The following PILRA variants were observed in gnomAD, a reference collection of about 807,000 sequenced individuals.
PILRA encodes paired immunoglobulin-like type 2 receptor alpha.
In PILRA, 37 loss-of-function variants were observed where a neutral mutation model predicts 33.1. That is an observed-to-expected ratio of 1.12 (90% CI 0.86 to 1.47). PILRA has a LOEUF of 1.47. PILRA is among the 40% of genes most tolerant of loss of function. PILRA has a pLI of 0.00. For synonymous variants in PILRA, 146 were observed against 149.9 expected, an observed-to-expected ratio of 0.97 and a Z score of 0.19; for missense variants, 312 against 376.2, an observed-to-expected ratio of 0.83 and a Z score of 1.41.
At chr7:100,373,041 G>A (rs1162483024), upstream of PILRA, among the ~76,000 whole-genome samples, 1 of 152,096 alleles carries the variant, frequency 6.6e-6, no homozygotes, top group African/African-American at 2.4e-5. Flanking sequence ...AGGCCAGCTG[G>A]GTCGTGGTGG....
At position 100,374,312 on chromosome 7, in the gene PILRA, G is replaced by A; in HGVS notation, c.333G>A (p.Arg111=). ...WTEGQKSGFL[R]ISNLQKQDQS... is the part of the protein sequence containing the mutation. The stretch of plus-strand genomic sequence containing the variant: ...AGGGTCAGAAGAGCGGCTTCCTCAG[G>A]ATCTCCAACCTGCAGAAGCAGGACC... Residue 111 remains arginine, a synonymous_variant, in exon 2 of 7, where the codon AGG becomes AGA. Coordinates refer to ENST00000198536, the MANE Select transcript of PILRA (RefSeq NM_013439.3). The A allele has an allele frequency of 6.2e-7, 1 of 1,614,114 alleles. No homozygotes were observed. The highest frequency in any genetic ancestry group is 8.5e-7 in the Non-Finnish European group (1 of 1,180,016).
intron 3 of PILRA, among the ~76,000 whole-genome samples, chr7:100,390,686 CAA>C (rs745541359): frequency 6.6e-6 from 1 of 151,976 alleles, no homozygotes; most frequent in South Asian, 2.1e-4. Flanking sequence ...GTGATATATG[CAA>C]AAGTCTCAAA....
intron 3 of PILRA, among the ~76,000 whole-genome samples, chr7:100,397,167 TC>T (rs1271250733): frequency 8.1e-5 from 9 of 111,512 alleles, no homozygotes; most frequent in Non-Finnish European, 1.6e-4. Flanking sequence ...GAAGGGGAGG[TC>T]CCTGGAGTTG....
intron 2 of PILRA, among the ~76,000 whole-genome samples, chr7:100,384,614 C>T (rs1791214857): frequency 6.6e-6 from 1 of 151,412 alleles, no homozygotes; most frequent in South Asian, 2.1e-4. Context: ...CTCAGGCTAT[C>T]CACAAAAAAA....
In PILRA at chr7:100,399,317, C is replaced by T. The variant is rs1791586896; in HGVS notation, c.734C>T (p.Pro245Leu). ...AREPFQNTEE[P>L]YENIRNEGQN... The stretch of plus-strand genomic sequence containing the variant: ...GAACCCTTCCAAAACACAGAGGAGC[C>T]ATATGAGAATATCAGGAATGAAGGT... Residue 245 changes from proline to leucine, a missense_variant, in exon 5 of 7, where the codon CCA becomes CTA. Physicochemically the swap from Pro to Leu is moderately conservative, Grantham distance 98. Transcript: ENST00000198536. 1 of 1,612,648 alleles carries T rather than the reference C, an allele frequency of 6.2e-7. No homozygotes were observed. The highest frequency in any genetic ancestry group is 1.3e-5 in the African/African-American group (1 of 74,872).
Position 100,374,037 on chromosome 7 carries a change from C to T in PILRA, c.65-7C>T. 5 of 1,612,944 alleles carry T rather than the reference C, an allele frequency of 3.1e-6. No individual in the cohort carries two copies. Among genetic ancestry groups the T allele is most frequent in the Non-Finnish European group, 4.2e-6 (5 of 1,179,230 alleles). ...TCTCTCCCCTACTCACTCCCTCCCTCCTCTAGGTGGCTCCACAGGATCTGG... is the reference window on the plus strand; with the variant it reads ...TCTCTCCCCTACTCACTCCCTCCCTTCTCTAGGTGGCTCCACAGGATCTGG... On this transcript the variant is annotated splice_polypyrimidine_tract_variant and splice_region_variant and intron_variant, in intron 1 of 6. Coordinates refer to ENST00000198536, the MANE Select transcript of PILRA (RefSeq NM_013439.3).
chr7:100,383,205 C>T (rs973513861), intron 2 of PILRA, among the ~76,000 whole-genome samples: 1 of 152,070 alleles, frequency 6.6e-6, no homozygotes, highest in Non-Finnish European at 1.5e-5. Context: ...GGGAGGTACC[C>T]TGGGACCAGC....
At chr7:100,391,136 G>C (rs1287298595) in intron 3 of PILRA, among the ~76,000 whole-genome samples, 6 of 147,432 alleles carry the variant, frequency 4.1e-5, no homozygotes, top group Non-Finnish European at 9.0e-5. Flanking sequence ...GCAACACAGG[G>C]AGACCCTGTC....
intron 2 of PILRA, among the ~76,000 whole-genome samples, chr7:100,385,161 G>A (rs1791227149): frequency 6.6e-6 from 1 of 152,162 alleles, no homozygotes; most frequent in African/African-American, 2.4e-5. Context: ...AGAAATAGAA[G>A]GTTAACACAA....
chr7:100,381,444 CAAA>C (rs60123996), intron 2 of PILRA, among the ~76,000 whole-genome samples: 22 of 82,028 alleles, frequency 2.7e-4, no homozygotes, highest in African/African-American at 4.3e-4. Flanking sequence ...GATCCTGACT[CAAA>C]AAAAAAAAAA....
Position 100,376,595 on chromosome 7 carries a change from G to A in PILRA, c.454+2162G>A, listed in dbSNP as rs376036734. ...CCTCCCAGGTTCAAGCGATTCTCCCGCTCAGCCTCCAAGTAGCTAGAATTA... is the reference window on the plus strand; with the variant it reads ...CCTCCCAGGTTCAAGCGATTCTCCCACTCAGCCTCCAAGTAGCTAGAATTA... On this transcript the variant is annotated intron_variant, in intron 2 of 6. Transcript: ENST00000198536. 2.0e-4 allele frequency among the ~76,000 whole-genome samples: 28 copies of A among 137,146 alleles called. No individual in the cohort carries two copies. The East Asian group carries it at 2.7e-3, about 13-fold the overall frequency. 90.0% of individuals were successfully genotyped at this position (137,146 alleles called of 152,430 possible). A position where few individuals can be genotyped will look rare whatever the true frequency, so the allele number is the denominator to read the frequency against.
At chr7:100,377,926 T>C (rs1264355845) in intron 2 of PILRA, among the ~76,000 whole-genome samples, 2 of 152,252 alleles carry the variant, frequency 1.3e-5, no homozygotes, top group East Asian at 3.8e-4. Context: ...AGCATCTGTT[T>C]CTGGTCAGTC....
intron 3 of PILRA, among the ~76,000 whole-genome samples, chr7:100,396,191 C>T (rs1791489984): frequency 6.6e-6 from 1 of 152,058 alleles, no homozygotes; most frequent in African/African-American, 2.4e-5. Context: ...TGGGTACATA[C>T]CAAACAGAAC....
intron 2 of PILRA, among the ~76,000 whole-genome samples, chr7:100,375,469 C>T (rs1225502141): frequency 1.2e-4 from 18 of 152,156 alleles, no homozygotes; most frequent in Admixed American, 1.0e-3. Flanking sequence ...TGGTGGCTGA[C>T]GCCTGTAATC....
At chr7:100,390,175 T>C (rs1791357821) in intron 3 of PILRA, 69 bp downstream of exon 3, 1 of 1,368,718 alleles carries the variant, frequency 7.3e-7, no homozygotes, top group Non-Finnish European at 1.0e-6. Flanking sequence ...CACCTGCAGC[T>C]ATGGGGCTCC....
At chr7:100,378,124 A>T (rs959535978) in intron 2 of PILRA, among the ~76,000 whole-genome samples, 1 of 152,008 alleles carries the variant, frequency 6.6e-6, no homozygotes, top group Non-Finnish European at 1.5e-5. Context: ...TGAGGCACGA[A>T]GATGACTTGA....
intron 2 of PILRA, chr7:100,374,721 C>A: frequency 2.1e-6 from 1 of 480,644 alleles, no homozygotes; most frequent in Non-Finnish European, 3.8e-6. Context: ...AATTATCCTT[C>A]ATTCTTTCTC....
chr7:100,381,038 G>A (rs1360018248), intron 2 of PILRA, among the ~76,000 whole-genome samples: 6 of 151,946 alleles, frequency 3.9e-5, no homozygotes, highest in East Asian at 3.9e-4. Context: ...AGGCTGAGGC[G>A]GGTGGATCAC....
chr7:100,393,174 G>T (rs192041424), intron 3 of PILRA, among the ~76,000 whole-genome samples: 1 of 152,078 alleles, frequency 6.6e-6, no homozygotes, highest in African/African-American at 2.4e-5. Flanking sequence ...CAGCTACTTG[G>T]GGGGCTGAGG....
Sources: gnomAD v4.1 joint callset for allele counts (sites outside exome capture counted in the v4.1 genomes callset) on GRCh38, gnomAD v4.1.1 for gene constraint, MANE v1.5 for transcripts, NCBI Gene and HGNC (gene_info 2026-07-23, HGNC 2026-07-21) for gene names.